IKBKB: variants seen among roughly 807,000 people sequenced by gnomAD.
IKBKB encodes the protein inhibitor of nuclear factor kappa B kinase subunit beta.
A neutral mutation model predicts 113.6 loss-of-function variants in IKBKB; 42 were observed. The ratio of observed to expected loss-of-function variants is 0.37; its 90% CI spans 0.29 to 0.48. The LOEUF (loss-of-function observed/expected upper bound fraction) is 0.48, where lower values mean the gene tolerates loss of function less well. Ranked by LOEUF, IKBKB falls within the 20% of genes least tolerant of loss-of-function variation. The pLI is 0.99. For missense variants in IKBKB, 673 were observed against 939.7 expected (o/e 0.72, Z 3.71); for synonymous variants, 296 against 361.3 (o/e 0.82, Z 2.05).
At position 42,316,626 on chromosome 8, in the gene IKBKB, A is replaced by C; in HGVS notation, c.931-84A>C. On this transcript the variant is annotated intron_variant, in intron 10 of 21. Transcript: ENST00000520810. The surrounding 1 kb of genome is among the most constrained non-coding windows in gnomAD (Gnocchi z 4.5). ...CTTTGTGTGGTTGGGAAATGTTGGG[A>C]GTAGCAGAGAGAGGACCTAGGCAAA... is the stretch of plus-strand genomic sequence containing the variant. The C allele has an allele frequency of 7.7e-7, 1 of 1,290,414 alleles. No individual in the cohort carries two copies. Among genetic ancestry groups the C allele is most frequent in the African/African-American group, 1.5e-5 (1 of 68,020 alleles). 79.9% of individuals were successfully genotyped at this position (1,290,414 alleles called of 1,614,324 possible). A position where few individuals can be genotyped will look rare whatever the true frequency, so the allele number is the denominator to read the frequency against.
At chr8:42,328,972 AG>A in intron 20 of IKBKB, 151 bp from the exon 21 acceptor site, 2 of 564,874 alleles carry the variant, frequency 3.5e-6, no homozygotes, top group South Asian at 4.5e-5. Flanking sequence ...AGTATTAGTC[AG>A]TGGGTTGGTG....
chr8:42,296,322 C>T (rs1030165272), intron 5 of IKBKB, among the ~76,000 whole-genome samples: 2 of 151,866 alleles, frequency 1.3e-5, no homozygotes, highest in Non-Finnish European at 2.9e-5. Context: ...CATGGAGAAA[C>T]CCCATCTGTA....
At chr8:42,324,281 T>C (rs564006545) in intron 19 of IKBKB, among the ~76,000 whole-genome samples, 1 of 152,222 alleles carries the variant, frequency 6.6e-6, no homozygotes, top group South Asian at 2.1e-4. Context: ...TCTTTTTTTT[T>C]CGAGACAAAG....
At chr8:42,298,383 A>G in intron 5 of IKBKB, 1 of 985,334 alleles carries the variant, frequency 1.0e-6, no homozygotes, top group South Asian at 4.7e-5. Flanking sequence ...TTCCTTCTCG[A>G]GCTGCTCCTA....
rs1475230682 is a variant in IKBKB, at chr8:42,312,640, C to T, written c.693-1682C>T. On this transcript the variant is annotated intron_variant, in intron 8 of 21. Coordinates refer to ENST00000520810, the MANE Select transcript of IKBKB (RefSeq NM_001556.3). ...TTATTTTGGGTCCTTTTCTAATTTC[C>T]CATCAACAGCCTAAGTTTTCTAGCA... 2.0e-5 allele frequency among the ~76,000 whole-genome samples: 3 copies of T among 152,164 alleles called. No individual in the cohort carries two copies. In the East Asian group the frequency reaches 5.8e-4, roughly 29 times the overall value.
At chr8:42,304,491 C>G (rs905056513) in intron 5 of IKBKB, among the ~76,000 whole-genome samples, 2 of 152,152 alleles carry the variant, frequency 1.3e-5, no homozygotes, top group African/African-American at 4.8e-5. Context: ...TGCTTTCTTC[C>G]AACTAGATTC....
At chr8:42,278,746 A>G (rs1809714565) in intron 2 of IKBKB, among the ~76,000 whole-genome samples, 2 of 152,144 alleles carry the variant, frequency 1.3e-5, no homozygotes, top group Admixed American at 1.3e-4. Flanking sequence ...CTGTAATCCC[A>G]GCACTTTGGG....
intron 8 of IKBKB, among the ~76,000 whole-genome samples, chr8:42,312,223 A>T (rs1412156191): frequency 1.3e-5 from 2 of 152,228 alleles, no homozygotes; most frequent in Non-Finnish European, 2.9e-5. Context: ...GCATTTCTTC[A>T]GGTCACTTGT....
At chr8:42,292,691 G>A (rs1351903678) in intron 4 of IKBKB, among the ~76,000 whole-genome samples, 2 of 152,146 alleles carry the variant, frequency 1.3e-5, no homozygotes, top group Admixed American at 6.5e-5. Context: ...CGCCCTCCTC[G>A]GAGGCCAGCT....
chr8:42,300,474 T>C (rs1814946010), intron 5 of IKBKB, among the ~76,000 whole-genome samples: 1 of 152,172 alleles, frequency 6.6e-6, no homozygotes, highest in African/African-American at 2.4e-5. Flanking sequence ...TCTAAACTTG[T>C]GATAGATAGA....
chr8:42,298,852 C>T (rs1480454036), intron 5 of IKBKB, among the ~76,000 whole-genome samples: 1 of 152,164 alleles, frequency 6.6e-6, no homozygotes, highest in Non-Finnish European at 1.5e-5. Flanking sequence ...TCTCTGACAT[C>T]CGCCAGCTGG....
At chr8:42,321,027 G>C in intron 16 of IKBKB, 183 bp downstream of exon 16, 1 of 488,490 alleles carries the variant, frequency 2.0e-6, no homozygotes, top group Non-Finnish European at 3.6e-6. Flanking sequence ...TCAGTGACAA[G>C]AAAAACAGTC....
At chr8:42,287,111 T>G (rs1449029205) in intron 2 of IKBKB, among the ~76,000 whole-genome samples, 1 of 152,170 alleles carries the variant, frequency 6.6e-6, no homozygotes, top group African/African-American at 2.4e-5. Flanking sequence ...GGTGACTCCC[T>G]TGTGGCAGCT....
chr8:42,317,808 C>G (rs201573706), intron 12 of IKBKB, 37 bp downstream of exon 12: 45 of 1,424,876 alleles, frequency 3.2e-5, no homozygotes, highest in Non-Finnish European at 4.3e-5. Flanking sequence ...CTAAATAATC[C>G]GTTATAATAT....
intron 9 of IKBKB, among the ~76,000 whole-genome samples, chr8:42,314,645 C>T (rs966376474): frequency 7.2e-5 from 11 of 151,764 alleles, no homozygotes; most frequent in African/African-American, 2.4e-4. Context: ...AGTGGTAGCA[C>T]GCACCTGTAA....
chr8:42,299,003 C>A (rs1440600295), intron 5 of IKBKB, among the ~76,000 whole-genome samples: 2 of 152,136 alleles, frequency 1.3e-5, no homozygotes, highest in Admixed American at 6.5e-5. Flanking sequence ...TTCTTGTGGC[C>A]TGTTTCTCAC....
intron 8 of IKBKB, among the ~76,000 whole-genome samples, chr8:42,313,167 C>T (rs1244343962): frequency 6.6e-6 from 1 of 152,184 alleles, no homozygotes; most frequent in African/African-American, 2.4e-5. Context: ...ATTATTTTTA[C>T]TGGCCGGGCA....
chr8:42,296,910 G>T (rs934322751), intron 5 of IKBKB, among the ~76,000 whole-genome samples: 3 of 152,224 alleles, frequency 2.0e-5, no homozygotes, highest in Non-Finnish European at 1.5e-5. Flanking sequence ...CTAGCACAAT[G>T]CTCTGTTCCT....
chr8:42,330,545 C>G (rs1409122169), intron 21 of IKBKB, among the ~76,000 whole-genome samples: 2 of 152,014 alleles, frequency 1.3e-5, no homozygotes, highest in African/African-American at 4.8e-5. Context: ...GAGTCTTGCT[C>G]TTTTGCCCAG....
Sources: allele counts gnomAD v4.1 joint callset (sites outside exome capture counted in the v4.1 genomes callset), GRCh38; gene constraint gnomAD v4.1.1; non-coding constraint Gnocchi (gnomAD v3.1); transcripts MANE v1.5; gene names NCBI Gene and HGNC (gene_info 2026-07-23, HGNC 2026-07-21).